The following RNF128 variants were observed in gnomAD, a reference collection of about 807,000 sequenced individuals.
The protein encoded by RNF128 is E3 ubiquitin-protein ligase RNF128.
RNF128 carries 13 observed loss-of-function variants against 26.2 expected under a neutral mutation model. The ratio of observed to expected loss-of-function variants is 0.50; its 90% confidence interval spans 0.32 to 0.79. The LOEUF is 0.79. Among genes scored for constraint, RNF128 ranks in the 30% least tolerant of loss-of-function variants. RNF128 has a pLI of 0.03. For missense variants in RNF128, 315 were observed against 349.7 expected (o/e 0.90, Z 0.79); for synonymous variants, 149 against 142.5 (o/e 1.05, Z -0.32).
intron 1 of RNF128, among the ~76,000 whole-genome samples, chrX:106,697,214 A>C (rs1181450244): frequency 8.9e-6 from 1 of 112,097 alleles, no homozygotes; most frequent in African/African-American, 3.2e-5. Context: ...AGTTACCCTT[A>C]TTAGCCAGAA....
At chrX:106,777,941 G>C (rs1475387692) in intron 2 of RNF128, among the ~76,000 whole-genome samples, 2 of 111,854 alleles carry the variant, frequency 1.8e-5, no homozygotes, top group Non-Finnish European at 3.8e-5. Context: ...CTGCTCTCCA[G>C]CCTGGGTGAC....
chrX:106,738,493 C>CT (rs1929639101), intron 1 of RNF128, among the ~76,000 whole-genome samples: 1 of 111,686 alleles, frequency 9.0e-6, no homozygotes, highest in Admixed American at 9.5e-5. Context: ...TGGGCAGTTC[C>CT]TGAAAAATGC....
chrX:106,792,038 C>T (rs1214535365), intron 6 of RNF128, among the ~76,000 whole-genome samples: 1 of 111,104 alleles, frequency 9.0e-6, no homozygotes, highest in Non-Finnish European at 1.9e-5. Context: ...AAACCTTTGT[C>T]CTCTATAGGC....
intron 1 of RNF128, among the ~76,000 whole-genome samples, chrX:106,707,426 T>C (rs996015451): frequency 8.9e-6 from 1 of 112,220 alleles, no homozygotes; most frequent in African/African-American, 3.2e-5. Flanking sequence ...GTCTTCTATT[T>C]ACTTTATATC....
intron 1 of RNF128, among the ~76,000 whole-genome samples, chrX:106,741,926 A>G (rs1315725338): frequency 1.8e-5 from 2 of 112,016 alleles, no homozygotes; most frequent in African/African-American, 6.5e-5. Context: ...TAACGCAGTC[A>G]GGTCAGAATC....
intron 1 of RNF128, among the ~76,000 whole-genome samples, chrX:106,733,947 T>C (rs1255558358): frequency 8.9e-6 from 1 of 112,044 alleles, no homozygotes; most frequent in Non-Finnish European, 1.9e-5. Flanking sequence ...GTTATCTGCC[T>C]GCTTTAGCCT....
At chrX:106,788,404 A>AATATATAATATATAATATATATT (rs1930715785) in intron 4 of RNF128, among the ~76,000 whole-genome samples, 1 of 42,192 alleles carries the variant, frequency 2.4e-5, no homozygotes, top group Non-Finnish European at 3.8e-5. Flanking sequence ...TATTATATAT[A>AATATATAATATATAATATATATT]ATATATAATA....
upstream of RNF128, among the ~76,000 whole-genome samples, chrX:106,724,132 C>A (rs1009684985): frequency 4.5e-5 from 5 of 111,469 alleles, no homozygotes; most frequent in Non-Finnish European, 1.9e-5. Flanking sequence ...CCTGTATTCC[C>A]TGATTGAATG....
chrX:106,710,166 C>A (rs1929101644), intron 1 of RNF128, among the ~76,000 whole-genome samples: 1 of 111,503 alleles, frequency 9.0e-6, no homozygotes, highest in South Asian at 3.8e-4. Flanking sequence ...ATCTCAATTC[C>A]TTTAATATGG....
At position 106,726,836 on chromosome X, in the gene RNF128, C is replaced by T. The variant is rs1028714458; in HGVS notation, c.-78C>T. ...CATTCCTTCCCCACCTGGCGCGCACCTGCTCAAGACCAGGGTCCTGCCAAG... is the reference window on the plus strand; with the variant it reads ...CATTCCTTCCCCACCTGGCGCGCACTTGCTCAAGACCAGGGTCCTGCCAAG... On this transcript the variant is annotated 5_prime_UTR_variant, in exon 1 of 7. Coordinates refer to ENST00000255499, the MANE Select transcript of RNF128 (RefSeq NM_194463.2). The T allele has an allele frequency of 8.2e-6, 9 of 1,093,297 alleles. No individual in the cohort carries two copies. In the African/African-American group the frequency reaches 1.7e-4, roughly 20 times the overall value. The allele number at this position is 1,093,297 out of a possible 1,213,427, so 90.1% of individuals were successfully genotyped here.
intron 1 of RNF128, among the ~76,000 whole-genome samples, chrX:106,770,828 C>A (rs935652753): frequency 3.6e-5 from 4 of 111,931 alleles, no homozygotes; most frequent in Non-Finnish European, 7.5e-5. Context: ...GGAGAAGAGG[C>A]GCTCTGATTT....
chrX:106,755,476 C>T (rs1019228828), intron 1 of RNF128, among the ~76,000 whole-genome samples: 8 of 110,505 alleles, frequency 7.2e-5, no homozygotes, highest in African/African-American at 2.6e-4. Context: ...GAAACTACTA[C>T]AGGCAAGTCT....
intron 2 of RNF128, among the ~76,000 whole-genome samples, chrX:106,776,289 T>C (rs748778487): frequency 5.3e-5 from 6 of 112,360 alleles, no homozygotes; most frequent in Non-Finnish European, 1.1e-4. Context: ...CCACAATGCA[T>C]GTGTTGGATT....
intron 1 of RNF128, among the ~76,000 whole-genome samples, chrX:106,694,671 T>C (rs1490547129): frequency 4.5e-5 from 5 of 111,663 alleles, no homozygotes; most frequent in Admixed American, 1.9e-4. Flanking sequence ...GGGCATTATA[T>C]CGTGAGTTGC....
chrX:106,782,297 G>C (rs1001032908), intron 2 of RNF128, among the ~76,000 whole-genome samples: 2 of 112,054 alleles, frequency 1.8e-5, no homozygotes, highest in African/African-American at 6.5e-5. Flanking sequence ...CTTTCTTCTT[G>C]CTGGCTCTAT....
chrX:106,772,964 T>A lies in RNF128; in HGVS notation c.536T>A (p.Ile179Asn). Residue 179 changes from isoleucine (I) to asparagine (N), a missense_variant, in exon 2 of 7, where the codon ATT becomes AAT. Transcript: ENST00000255499. ...IMIGNLKGTK[I>N]LQSIQRGIQV... ...ATCGGCAATCTGAAAGGCACAAAAA[T>A]TCTGCAATCTATTCAAAGAGGCATA... is the stretch of plus-strand genomic sequence containing the variant. 8.3e-7 allele frequency: 1 copy of A among 1,210,539 alleles called. No homozygotes were observed. The highest frequency in any genetic ancestry group is 1.1e-6 in the Non-Finnish European group (1 of 894,674).
rs762090247 is a variant in RNF128, at chrX:106,761,622, T to C, written c.485-11291T>C. Among the ~76,000 whole-genome samples the C allele has an allele frequency of 1.9e-3, 215 of 111,339 alleles. 2 individuals are homozygous for C. Among genetic ancestry groups the C allele is most frequent in the African/African-American group, 6.9e-3 (210 of 30,656 alleles). On this transcript the variant is annotated intron_variant, in intron 1 of 6. Coordinates refer to ENST00000255499, the MANE Select transcript of RNF128 (RefSeq NM_194463.2). ...CATAAAAAAAGAATGAGATCATGTA[T>C]GATCTCATGAGTACTCAGATACAGC...
intron 1 of RNF128, among the ~76,000 whole-genome samples, chrX:106,741,975 G>A (rs1489826329): frequency 9.0e-6 from 1 of 111,718 alleles, no homozygotes; most frequent in Admixed American, 9.6e-5. Context: ...TAGGTGAAAT[G>A]GAGCTCTTTA....
intron 1 of RNF128, among the ~76,000 whole-genome samples, chrX:106,734,588 A>C (rs1041889815): frequency 2.0e-4 from 22 of 111,708 alleles, no homozygotes; most frequent in African/African-American, 6.8e-4. Context: ...CCTGGGAATA[A>C]ATAATTTTTG....
Sources: allele counts gnomAD v4.1 joint callset (sites outside exome capture counted in the v4.1 genomes callset), GRCh38; gene constraint gnomAD v4.1.1; transcripts MANE v1.5; gene names NCBI Gene and HGNC (gene_info 2026-07-23, HGNC 2026-07-21).